The following CUX1 variants were observed in gnomAD, a reference collection of about 807,000 sequenced individuals.
CUX1 encodes cut like homeobox 1, also known as protein CASP.
CUX1 carries 31 observed loss-of-function variants against 158.8 expected under a neutral mutation model. The observed-to-expected ratio is 0.20, with a 90% CI of 0.15 to 0.26. The LOEUF (loss-of-function observed/expected upper bound fraction) is 0.26, where lower values mean the gene tolerates loss of function less well. CUX1 is among the 10% of genes least tolerant of loss of function. The probability of loss-of-function intolerance (pLI) is 1.00; values close to 1 mark genes in which losing one functional copy is unlikely to be tolerated. For synonymous variants in CUX1, 879 were observed against 862.1 expected (o/e 1.02, Z -0.34); for missense variants, 1,589 against 2,014.6 (o/e 0.79, Z 4.04).
intron 9 of CUX1, among the ~76,000 whole-genome samples, chr7:102,161,707 T>C (rs533276354): frequency 2.8e-4 from 42 of 152,286 alleles, no homozygotes; most frequent in African/African-American, 9.1e-4. Context: ...ACCTCATGGG[T>C]TCAGGCAATT....
intron 16 of CUX1, chr7:102,274,376 G>T: frequency 7.2e-7 from 1 of 1,390,560 alleles, no homozygotes; most frequent in South Asian, 1.2e-5. Flanking sequence ...GATACCGCCT[G>T]AGAACACAGA....
chr7:102,014,856 AC>A (rs1279950992), intron 2 of CUX1, among the ~76,000 whole-genome samples: 1 of 119,316 alleles, frequency 8.4e-6, no homozygotes. Context: ...TCCCCCAACC[AC>A]CAAAAAAAAA....
chr7:102,075,710 C>T (rs782520036), intron 4 of CUX1, among the ~76,000 whole-genome samples: 3 of 152,214 alleles, frequency 2.0e-5, no homozygotes, highest in Non-Finnish European at 4.4e-5. Flanking sequence ...AGCACTAAGA[C>T]AAGTCAATTG....
At chr7:102,104,293 G>A in intron 5 of CUX1, 43 bp from the exon 6 acceptor site, 1 of 1,561,634 alleles carries the variant, frequency 6.4e-7, no homozygotes, top group East Asian at 2.3e-5. Context: ...ATATGGAATT[G>A]TATGCTTCTC....
chr7:102,053,320 A>T (rs7804378), intron 3 of CUX1, among the ~76,000 whole-genome samples: 8,340 of 151,986 alleles, frequency 0.055, 722 homozygotes, highest in African/African-American at 0.19. Context: ...TTTTGTGGGG[A>T]TGTATATATA....
At chr7:102,209,575 T>C (rs1554522582) in intron 20 of CUX1, among the ~76,000 whole-genome samples, 1 of 152,242 alleles carries the variant, frequency 6.6e-6, no homozygotes, top group Admixed American at 6.5e-5. Flanking sequence ...AAATATTTTT[T>C]TTTGTTTGCT....
At chr7:101,940,673 G>T (rs751663864) in intron 2 of CUX1, among the ~76,000 whole-genome samples, 2 of 152,086 alleles carry the variant, frequency 1.3e-5, no homozygotes, top group Non-Finnish European at 2.9e-5. Flanking sequence ...TTATTAGATT[G>T]TAAGCTCTGG....
chr7:102,254,073 T>C lies in CUX1; in HGVS notation c.*5031T>C. 1.0e-6 allele frequency: 1 copy of C among 985,466 alleles called. No individual in the cohort carries two copies. Among genetic ancestry groups the C allele is most frequent in the Non-Finnish European group, 1.2e-6 (1 of 829,974 alleles). 61.0% of individuals were successfully genotyped at this position (985,466 alleles called of 1,614,324 possible). A position where few individuals can be genotyped will look rare whatever the true frequency, so the allele number is the denominator to read the frequency against. On this transcript the variant is annotated 3_prime_UTR_variant, in exon 24 of 24. Coordinates refer to ENST00000292535, the MANE Select transcript of CUX1 (RefSeq NM_181552.4). Reference sequence around the variant, plus strand: ...CTCTGCCTGGTGGGCCGGCTTTGTGTGTCTCTCCTTTTGTGAGCGCAACAC... The same window carrying C: ...CTCTGCCTGGTGGGCCGGCTTTGTGCGTCTCTCCTTTTGTGAGCGCAACAC...
In CUX1 at chr7:102,178,720, G is replaced by A. The variant is rs118181930; in HGVS notation, c.1017+63G>A. The A allele has an allele frequency of 3.5e-4, 505 of 1,452,878 alleles. 5 individuals carry two copies. In the East Asian group the frequency reaches 0.01, roughly 30 times the overall value. The allele number at this position is 1,452,878 out of a possible 1,614,324, so 90.0% of individuals were successfully genotyped here. On this transcript the variant is annotated intron_variant, in intron 11 of 23. Coordinates refer to ENST00000292535, the MANE Select transcript of CUX1 (RefSeq NM_181552.4). Reference sequence around the variant, plus strand: ...GCAGGGCGGATGGCTGGACACACGCGCACACACACACCCTCTGCCTTTCTG... The same window carrying A: ...GCAGGGCGGATGGCTGGACACACGCACACACACACACCCTCTGCCTTTCTG...
intron 2 of CUX1, among the ~76,000 whole-genome samples, chr7:102,006,884 C>T (rs1305962525): frequency 6.6e-6 from 1 of 152,262 alleles, no homozygotes; most frequent in Non-Finnish European, 1.5e-5. Context: ...GCCGTCCCCG[C>T]CCACCACGGT....
chr7:102,219,854 G>A (rs781806046), intron 20 of CUX1, among the ~76,000 whole-genome samples: 2 of 152,246 alleles, frequency 1.3e-5, no homozygotes, highest in South Asian at 2.1e-4. Context: ...TATGGGCGAT[G>A]TCTAATGGAG....
chr7:102,070,464 G>T (rs775640805), intron 4 of CUX1, 47 bp downstream of exon 4: 1 of 1,472,948 alleles, frequency 6.8e-7, no homozygotes, highest in Non-Finnish European at 9.3e-7. Context: ...GTTGTGTCTG[G>T]TGAGTCGGTG....
At chr7:101,871,706 C>T (rs919881925) in intron 1 of CUX1, among the ~76,000 whole-genome samples, 1 of 152,078 alleles carries the variant, frequency 6.6e-6, no homozygotes, top group Non-Finnish European at 1.5e-5. Flanking sequence ...AGCGTCGCCT[C>T]GCACAGGAAA....
intron 8 of CUX1, among the ~76,000 whole-genome samples, chr7:102,146,668 G>A (rs2131448999): frequency 1.3e-5 from 2 of 152,138 alleles, no homozygotes; most frequent in Middle Eastern, 3.4e-3. Flanking sequence ...CGTGATCTCG[G>A]CTCACTGTAA....
intron 20 of CUX1, among the ~76,000 whole-genome samples, chr7:102,215,229 C>CTTTT (rs547506149): frequency 2.2e-5 from 2 of 92,750 alleles, no homozygotes; most frequent in Non-Finnish European, 4.1e-5. Context: ...GTTACTCCAA[C>CTTTT]TTTTTTTTTT....
At chr7:102,221,427 A>G (rs1554526869) in intron 20 of CUX1, among the ~76,000 whole-genome samples, 2 of 152,236 alleles carry the variant, frequency 1.3e-5, no homozygotes, top group African/African-American at 2.4e-5. Flanking sequence ...TGACTGCTCA[A>G]ATGAACACTA....
intron 1 of CUX1, among the ~76,000 whole-genome samples, chr7:101,883,720 G>A (rs1278672983): frequency 1.3e-5 from 2 of 151,534 alleles, no homozygotes; most frequent in African/African-American, 4.9e-5. Context: ...CTCAGCTTCC[G>A]GAGTAGCTGG....
rs180828525 is a variant in CUX1 at position 102,170,499 on chromosome 7, G to T, written c.777G>T (p.Ser259=). The change falls in exon 10 of 24, where the codon TCG becomes TCT. Residue 259 remains serine, a synonymous_variant. Coordinates refer to ENST00000292535, the MANE Select transcript of CUX1 (RefSeq NM_181552.4). ...AGACCTTAAGGGAACAGCTCTCATC[G>T]GCCAATCACTCCCTCCAGCTGGCCT... is the stretch of plus-strand genomic sequence containing the variant. ...EAETLREQLS[S]ANHSLQLASQ... 1 of 1,593,584 alleles carries T rather than the reference G, an allele frequency of 6.3e-7. No individual in the cohort carries two copies. The highest frequency in any genetic ancestry group is 1.1e-5 in the South Asian group (1 of 87,414).
At chr7:101,924,992 C>T (rs1245699472) in intron 2 of CUX1, among the ~76,000 whole-genome samples, 4 of 152,176 alleles carry the variant, frequency 2.6e-5, no homozygotes, top group Admixed American at 6.5e-5. Context: ...TGTTTTACTC[C>T]TCATTAGACC....
Sources: allele counts gnomAD v4.1 joint callset (sites outside exome capture counted in the v4.1 genomes callset), GRCh38; gene constraint gnomAD v4.1.1; transcripts MANE v1.5; gene names NCBI Gene and HGNC (gene_info 2026-07-23, HGNC 2026-07-21).